Variants in PCDH9 observed in about 807,000 individuals in gnomAD.
PCDH9 encodes the protein protocadherin-9.
A neutral mutation model predicts 70.6 loss-of-function variants in PCDH9; 24 were observed. The ratio of observed to expected loss-of-function variants is 0.34; its 90% CI spans 0.25 to 0.48. The LOEUF (loss-of-function observed/expected upper bound fraction) is 0.48, where lower values mean the gene tolerates loss of function less well. PCDH9 is among the 20% of genes least tolerant of loss of function. The probability of loss-of-function intolerance (pLI) is 0.99; values close to 1 mark genes in which losing one functional copy is unlikely to be tolerated. For synonymous variants in PCDH9, 562 were observed against 558.5 expected (o/e 1.01, Z -0.09); for missense variants, 1,281 against 1,503.6 (o/e 0.85, Z 2.45).
At chr13:66,337,081 C>T (rs1956049423) in intron 4 of PCDH9, among the ~76,000 whole-genome samples, 1 of 151,826 alleles carries the variant, frequency 6.6e-6, no homozygotes. Context: ...TATAAATTAA[C>T]ATCAGATACT....
In PCDH9 at chr13:66,352,230, A is replaced by G. The variant is rs141111897; in HGVS notation, c.3341-47202T>C. Reference sequence around the variant, plus strand: ...TCAAAAAAGCTTATTAACTTTAACCACAAATTAATAAACATTCCAACCAAA... The same window carrying G: ...TCAAAAAAGCTTATTAACTTTAACCGCAAATTAATAAACATTCCAACCAAA... On this transcript the variant is annotated intron_variant, in intron 4 of 4. Coordinates refer to ENST00000377865, the MANE Select transcript of PCDH9 (RefSeq NM_203487.3). Among the ~76,000 whole-genome samples, 962 of 152,316 alleles carry G rather than the reference A, an allele frequency of 6.3e-3. 14 individuals carry two copies. The highest frequency in any genetic ancestry group is 0.022 in the African/African-American group (923 of 41,570).
intron 2 of PCDH9, among the ~76,000 whole-genome samples, chr13:67,164,296 G>A (rs758009893): frequency 2.6e-5 from 4 of 151,946 alleles, no homozygotes; most frequent in Non-Finnish European, 4.4e-5. Flanking sequence ...AAGAATATAC[G>A]CCGGGCGCGG....
chr13:66,738,280 T>A (rs1471700072), intron 3 of PCDH9, among the ~76,000 whole-genome samples: 1 of 151,212 alleles, frequency 6.6e-6, no homozygotes, highest in African/African-American at 2.4e-5. Flanking sequence ...CAGCTGAGGG[T>A]GCTGTCTGTT....
intron 2 of PCDH9, among the ~76,000 whole-genome samples, chr13:67,179,269 C>T (rs1219396463): frequency 6.6e-6 from 1 of 152,056 alleles, no homozygotes. Context: ...AGCCAGTGTT[C>T]ACTTTCAGAA....
intron 2 of PCDH9, among the ~76,000 whole-genome samples, chr13:67,165,329 C>T (rs1178992198): frequency 2.6e-5 from 4 of 152,012 alleles, no homozygotes; most frequent in African/African-American, 9.7e-5. Context: ...AAACATTTAT[C>T]CACATATTAA....
chr13:66,673,233 A>C (rs2078200874), intron 3 of PCDH9, among the ~76,000 whole-genome samples: 1 of 152,144 alleles, frequency 6.6e-6, no homozygotes, highest in Non-Finnish European at 1.5e-5. Flanking sequence ...ACAGGGAATA[A>C]GTCTCATGAG....
chr13:66,498,819 T>C (rs1339474621), intron 4 of PCDH9, among the ~76,000 whole-genome samples: 1 of 152,054 alleles, frequency 6.6e-6, no homozygotes, highest in African/African-American at 2.4e-5. Context: ...AAAAATTAGT[T>C]GTTACAGTTG....
At chr13:66,757,209 A>G (rs1442017) in intron 3 of PCDH9, among the ~76,000 whole-genome samples, 149,107 of 152,256 alleles carry the variant, frequency 0.98, 73,084 homozygotes, top group East Asian at 1. Flanking sequence ...CTTCTAGAGC[A>G]ACTTTGAAAA....
intron 3 of PCDH9, among the ~76,000 whole-genome samples, chr13:66,676,602 T>G (rs546492765): frequency 5.1e-4 from 77 of 152,294 alleles, no homozygotes; most frequent in Admixed American, 8.5e-4. Context: ...CACCTACGCC[T>G]GTTACCCCCA....
intron 2 of PCDH9, among the ~76,000 whole-genome samples, chr13:67,081,138 A>T (rs1025440433): frequency 2.0e-4 from 30 of 152,236 alleles, no homozygotes; most frequent in African/African-American, 7.2e-4. Flanking sequence ...AATTTATTAC[A>T]TTAGTAGTAG....
intron 3 of PCDH9, among the ~76,000 whole-genome samples, chr13:66,730,061 C>T (rs1331062177): frequency 2.0e-5 from 3 of 152,166 alleles, no homozygotes; most frequent in Non-Finnish European, 4.4e-5. Context: ...ATTTAACCAT[C>T]TACAGTGGGC....
At chr13:66,718,147 A>G (rs1280213065) in intron 3 of PCDH9, among the ~76,000 whole-genome samples, 2 of 152,242 alleles carry the variant, frequency 1.3e-5, no homozygotes, top group East Asian at 3.8e-4. Context: ...CTGGAAATAA[A>G]TATTTTAATT....
chr13:66,940,951 A>G (rs2082998435), intron 2 of PCDH9, among the ~76,000 whole-genome samples: 1 of 151,972 alleles, frequency 6.6e-6, no homozygotes, highest in Non-Finnish European at 1.5e-5. Context: ...CCAAATTATG[A>G]AAAAGTATTG....
chr13:66,358,540 T>A (rs1026573889), intron 4 of PCDH9, among the ~76,000 whole-genome samples: 2 of 152,032 alleles, frequency 1.3e-5, no homozygotes, highest in African/African-American at 4.8e-5. Flanking sequence ...CAAATTTTCA[T>A]CTACGGAAAA....
At chr13:66,334,857 T>C (rs1956009284) in intron 4 of PCDH9, among the ~76,000 whole-genome samples, 1 of 152,170 alleles carries the variant, frequency 6.6e-6, no homozygotes. Flanking sequence ...TATTTGAACC[T>C]GTAATTGTAT....
intron 2 of PCDH9, among the ~76,000 whole-genome samples, chr13:67,192,378 T>A (rs2088940818): frequency 6.6e-6 from 1 of 152,178 alleles, no homozygotes; most frequent in African/African-American, 2.4e-5. Context: ...CTTCAAAGGT[T>A]TAATCTCTCT....
At chr13:66,593,890 C>T (rs1358247504) in intron 4 of PCDH9, among the ~76,000 whole-genome samples, 2 of 151,544 alleles carry the variant, frequency 1.3e-5, no homozygotes, top group Non-Finnish European at 2.9e-5. Context: ...GTAGATAGTA[C>T]TCATCAGAAT....
intron 3 of PCDH9, among the ~76,000 whole-genome samples, chr13:66,886,907 G>A (rs1001781876): frequency 2.0e-5 from 3 of 151,884 alleles, no homozygotes; most frequent in African/African-American, 7.3e-5. Context: ...TTTTGTGATA[G>A]AATTGCTGTG....
intron 4 of PCDH9, among the ~76,000 whole-genome samples, chr13:66,520,583 A>G (rs1314664990): frequency 6.6e-6 from 1 of 152,186 alleles, no homozygotes; most frequent in East Asian, 1.9e-4. Flanking sequence ...AAATTAATCT[A>G]TCGAATATCT....
Sources: allele counts gnomAD v4.1 joint callset (sites outside exome capture counted in the v4.1 genomes callset), GRCh38; gene constraint gnomAD v4.1.1; transcripts MANE v1.5; gene names NCBI Gene and HGNC (gene_info 2026-07-23, HGNC 2026-07-21).